The following QTMAN variants were observed in gnomAD, a reference collection of about 807,000 sequenced individuals.
QTMAN encodes queuosine-tRNA mannosyltransferase.
chr2:143,947,166 G>C, the QTMAN span: 1 of 1,471,996 alleles, frequency 6.8e-7, no homozygotes, highest in Non-Finnish European at 9.5e-7. Context: ...AGAAGAGAAA[G>C]AAGTGAAGAG....
At chr2:144,165,743 A>G in the QTMAN span, among the ~76,000 whole-genome samples, 1 of 152,104 alleles carries the variant, frequency 6.6e-6, no homozygotes, top group Admixed American at 6.6e-5. Context: ...TGCAGGCACA[A>G]CCACTTACCA....
chr2:144,213,169 TATGA>T, the QTMAN span, among the ~76,000 whole-genome samples: 3 of 152,178 alleles, frequency 2.0e-5, no homozygotes, highest in Admixed American at 6.5e-5. Context: ...AAACCAACGC[TATGA>T]ATATTTTTAA....
the QTMAN span, among the ~76,000 whole-genome samples, chr2:143,988,887 T>C: frequency 6.6e-6 from 1 of 152,252 alleles, no homozygotes; most frequent in African/African-American, 2.4e-5. Context: ...TCATTTACCA[T>C]GGTTCTTATG....
chr2:144,153,542 T>A, the QTMAN span, among the ~76,000 whole-genome samples: 1 of 151,490 alleles, frequency 6.6e-6, no homozygotes, highest in Non-Finnish European at 1.5e-5. Context: ...TACGAAAAAA[T>A]TTGCCAGGCA....
At chr2:144,322,890 T>C in the QTMAN span, among the ~76,000 whole-genome samples, 785 of 152,274 alleles carry the variant, frequency 5.2e-3, 7 homozygotes, top group African/African-American at 0.018. Flanking sequence ...CATCATATAA[T>C]AGCAAAAACT....
the QTMAN span, among the ~76,000 whole-genome samples, chr2:144,066,827 C>T: frequency 1.3e-5 from 2 of 152,172 alleles, no homozygotes; most frequent in Admixed American, 6.5e-5. Context: ...TCAGAGCAAA[C>T]TGCTTTCTCT....
At chr2:144,211,243 A>G in the QTMAN span, 1 of 152,384 alleles carries the variant, frequency 6.6e-6, no homozygotes. Context: ...GGAGGCTGAA[A>G]AACAGAAAAG....
the QTMAN span, among the ~76,000 whole-genome samples, chr2:144,260,576 G>C: frequency 6.6e-6 from 1 of 151,842 alleles, no homozygotes; most frequent in South Asian, 2.1e-4. Context: ...ACATATTTCT[G>C]TACTTATTCA....
At chr2:143,945,162 G>A in the QTMAN span, 3 of 152,242 alleles carry the variant, frequency 2.0e-5, no homozygotes, top group African/African-American at 7.2e-5. Flanking sequence ...GTATAACCTT[G>A]CCCAGGAGAA....
chr2:143,952,013 C>G, the QTMAN span: 1 of 1,597,012 alleles, frequency 6.3e-7, no homozygotes, highest in East Asian at 2.2e-5. Flanking sequence ...AATATCTGGT[C>G]TCTTGCAGAA....
At chr2:144,002,255 C>T in the QTMAN span, among the ~76,000 whole-genome samples, 4 of 151,922 alleles carry the variant, frequency 2.6e-5, no homozygotes, top group Admixed American at 1.3e-4. Context: ...GAGAAACACA[C>T]ATGCATACCA....
At chr2:144,011,780 C>A in the QTMAN span, 1 of 981,858 alleles carries the variant, frequency 1.0e-6, no homozygotes. Flanking sequence ...TGAACACTTC[C>A]TTTCTCTTTC....
At chr2:144,321,204 C>T in the QTMAN span, among the ~76,000 whole-genome samples, 2 of 152,210 alleles carry the variant, frequency 1.3e-5, no homozygotes, top group Non-Finnish European at 2.9e-5. Flanking sequence ...TTACCTATCA[C>T]CCACCACCCA....
At chr2:144,205,005 AG>A in the QTMAN span, among the ~76,000 whole-genome samples, 1 of 49,728 alleles carries the variant, frequency 2.0e-5, no homozygotes, top group Non-Finnish European at 3.7e-5. Context: ...GGGTGGGGGG[AG>A]GGGGGAGGGA....
the QTMAN span, among the ~76,000 whole-genome samples, chr2:144,167,802 C>CACTAATAT: frequency 6.6e-6 from 1 of 152,114 alleles, no homozygotes; most frequent in South Asian, 2.1e-4. Flanking sequence ...CAGACTAATA[C>CACTAATAT]ACTAATATTG....
chr2:144,064,429 A>G, the QTMAN span, among the ~76,000 whole-genome samples: 44 of 152,290 alleles, frequency 2.9e-4, no homozygotes, highest in Admixed American at 2.5e-3. Flanking sequence ...ATTACTCTCT[A>G]GAATGACATT....
At chr2:144,192,797 A>C in the QTMAN span, among the ~76,000 whole-genome samples, 1 of 152,214 alleles carries the variant, frequency 6.6e-6, no homozygotes, top group African/African-American at 2.4e-5. Flanking sequence ...TTCGATTCAC[A>C]ATTTCTCTTG....
the QTMAN span, among the ~76,000 whole-genome samples, chr2:144,234,021 T>C: frequency 2.6e-5 from 4 of 152,178 alleles, no homozygotes; most frequent in South Asian, 8.3e-4. Context: ...AAAAAAGAAG[T>C]ATTATAATTT....
At chr2:144,198,403 C>A in the QTMAN span, among the ~76,000 whole-genome samples, 1 of 152,076 alleles carries the variant, frequency 6.6e-6, no homozygotes, top group Non-Finnish European at 1.5e-5. Flanking sequence ...CCACATGATA[C>A]AAAAAGGTAC....
Sources: allele counts gnomAD v4.1 joint callset (sites outside exome capture counted in the v4.1 genomes callset), GRCh38; gene constraint gnomAD v4.1.1; transcripts MANE v1.5; gene names NCBI Gene and HGNC (gene_info 2026-07-23, HGNC 2026-07-21).